RBFOX1: variants seen among roughly 807,000 people sequenced by gnomAD.
The protein encoded by RBFOX1 is RNA binding fox-1 homolog 1.
RBFOX1 carries 8 observed loss-of-function variants against 57.7 expected under a neutral mutation model. The observed-to-expected ratio is 0.14, with a 90% CI of 0.08 to 0.25. The LOEUF (loss-of-function observed/expected upper bound fraction) is 0.25. Among genes scored for constraint, RBFOX1 ranks in the 10% least tolerant of loss-of-function variants. RBFOX1 has a pLI of 1.00. For missense variants in RBFOX1, 611 were observed against 548.5 expected (o/e 1.11, Z -1.14); for synonymous variants, 326 against 222.4 (o/e 1.47, Z -4.15).
At chr16:7,374,751 T>G (rs1260387350) in intron 4 of RBFOX1, among the ~76,000 whole-genome samples, 1 of 152,222 alleles carries the variant, frequency 6.6e-6, no homozygotes, top group East Asian at 1.9e-4. Flanking sequence ...AGTCTTTTAA[T>G]GCCTTTGTTT....
chr16:7,705,960 G>A (rs1244378688), intron 14 of RBFOX1, among the ~76,000 whole-genome samples: 3 of 152,166 alleles, frequency 2.0e-5, no homozygotes, highest in Non-Finnish European at 2.9e-5. Context: ...TGTGGAGGAT[G>A]ACCATATAGC....
At chr16:5,873,623 G>A (rs890525469) in intron 4 of RBFOX1, among the ~76,000 whole-genome samples, 2 of 152,206 alleles carry the variant, frequency 1.3e-5, no homozygotes, top group Non-Finnish European at 2.9e-5. Context: ...CGTGTACAAA[G>A]TTGACACACT....
At chr16:6,295,581 A>T (rs1422305318) in intron 1 of RBFOX1, among the ~76,000 whole-genome samples, 1 of 152,222 alleles carries the variant, frequency 6.6e-6, no homozygotes, top group African/African-American at 2.4e-5. Context: ...ATTTGAAGCA[A>T]CCAGCAGGTA....
intron 3 of RBFOX1, among the ~76,000 whole-genome samples, chr16:5,726,220 A>G (rs1198230483): frequency 6.6e-6 from 1 of 151,838 alleles, no homozygotes; most frequent in Admixed American, 6.6e-5. Context: ...TCTAGATCAG[A>G]TGCCTCCCCG....
chr16:6,818,523 A>C (rs2090607903), intron 3 of RBFOX1, among the ~76,000 whole-genome samples: 1 of 152,208 alleles, frequency 6.6e-6, no homozygotes, highest in East Asian at 1.9e-4. Context: ...AAGTGGCAAT[A>C]ATACAAGCTG....
intron 1 of RBFOX1, among the ~76,000 whole-genome samples, chr16:6,283,336 A>T (rs192826044): frequency 6.6e-6 from 1 of 152,282 alleles, no homozygotes; most frequent in Non-Finnish European, 1.5e-5. Context: ...AAAAACAAAA[A>T]CAAACAAATA....
intron 3 of RBFOX1, among the ~76,000 whole-genome samples, chr16:6,968,709 T>G (rs569453824): frequency 6.6e-6 from 1 of 152,278 alleles, no homozygotes; most frequent in African/African-American, 2.4e-5. Flanking sequence ...TACTAACTCC[T>G]GTTCTCATGG....
intron 1 of RBFOX1, among the ~76,000 whole-genome samples, chr16:5,433,364 C>G (rs1160985770): frequency 6.6e-6 from 1 of 152,174 alleles, no homozygotes; most frequent in Non-Finnish European, 1.5e-5. Flanking sequence ...TCGCTCCTGG[C>G]TGGGGGTGAG....
At chr16:5,453,266 G>C (rs1469037991) in intron 1 of RBFOX1, among the ~76,000 whole-genome samples, 2 of 152,160 alleles carry the variant, frequency 1.3e-5, no homozygotes, top group Non-Finnish European at 2.9e-5. Flanking sequence ...CTAGGGAACA[G>C]ACTGTTAATA....
intron 4 of RBFOX1, among the ~76,000 whole-genome samples, chr16:7,090,760 G>A (rs1007835206): frequency 1.3e-5 from 2 of 152,140 alleles, no homozygotes; most frequent in African/African-American, 4.8e-5. Context: ...ACGGTAGGAG[G>A]GGGAAACAGC....
intron 1 of RBFOX1, among the ~76,000 whole-genome samples, chr16:6,286,188 G>A (rs927373906): frequency 2.0e-5 from 3 of 152,138 alleles, no homozygotes; most frequent in Admixed American, 6.5e-5. Flanking sequence ...TGACATGAAA[G>A]TCATGGCGTC....
chr16:6,831,758 TA>T (rs2092724405), intron 3 of RBFOX1, among the ~76,000 whole-genome samples: 1 of 152,230 alleles, frequency 6.6e-6, no homozygotes, highest in African/African-American at 2.4e-5. Flanking sequence ...GGCAATTATT[TA>T]TTCCATTTCC....
chr16:7,701,833 G>T (rs981235041), intron 14 of RBFOX1, among the ~76,000 whole-genome samples: 21 of 152,192 alleles, frequency 1.4e-4, no homozygotes, highest in Non-Finnish European at 2.8e-4. Context: ...AAGTGAACAG[G>T]AACATTTCCT....
chr16:7,026,445 ACT>A (rs760610369), intron 3 of RBFOX1, among the ~76,000 whole-genome samples: 2 of 151,834 alleles, frequency 1.3e-5, no homozygotes, highest in Admixed American at 6.6e-5. Flanking sequence ...GAATATTTAG[ACT>A]CTTTTTTTCT....
intron 1 of RBFOX1, among the ~76,000 whole-genome samples, chr16:6,028,054 G>A (rs1388553384): frequency 6.6e-6 from 1 of 152,184 alleles, no homozygotes; most frequent in African/African-American, 2.4e-5. Flanking sequence ...GATCCCAGGG[G>A]TATTGGCTTG....
intron 3 of RBFOX1, among the ~76,000 whole-genome samples, chr16:7,008,430 C>G (rs1014298468): frequency 6.6e-6 from 1 of 151,858 alleles, no homozygotes; most frequent in African/African-American, 2.4e-5. Flanking sequence ...ATTCCAGACA[C>G]TCAGAAGTCA....
chr16:7,523,513 A>G (rs892447112), intron 5 of RBFOX1, among the ~76,000 whole-genome samples: 3 of 152,176 alleles, frequency 2.0e-5, no homozygotes, highest in South Asian at 4.1e-4. Context: ...TTGAATGGCA[A>G]TGGATGCCCG....
intron 3 of RBFOX1, among the ~76,000 whole-genome samples, chr16:6,948,894 C>G: frequency 6.6e-6 from 1 of 152,144 alleles, no homozygotes; most frequent in East Asian, 1.9e-4. Flanking sequence ...GGACAGCATC[C>G]TCTGACTGTC....
At chr16:6,759,301 G>C (rs762355835) in intron 3 of RBFOX1, among the ~76,000 whole-genome samples, 3 of 151,878 alleles carry the variant, frequency 2.0e-5, no homozygotes, top group South Asian at 2.1e-4. Flanking sequence ...CAGGTGCATG[G>C]CACCACAGCT....
Sources: allele counts gnomAD v4.1 joint callset (sites outside exome capture counted in the v4.1 genomes callset), GRCh38; gene constraint gnomAD v4.1.1; transcripts MANE v1.5; gene names NCBI Gene and HGNC (gene_info 2026-07-23, HGNC 2026-07-21).